Variants in ZNF559 observed in about 807,000 individuals in gnomAD.
ZNF559 encodes zinc finger protein 559, also known as putative protein product of Nbla00121.
ZNF559 carries 17 observed loss-of-function variants against 14.2 expected under a neutral mutation model. The observed-to-expected ratio is 1.20, with a 90% CI of 0.82 to 1.80. The LOEUF is 1.80. ZNF559 is among the 40% of genes most tolerant of loss of function. The pLI is 0.00. For synonymous variants in ZNF559, 244 were observed against 212.4 expected (o/e 1.15, Z -1.29); for missense variants, 740 against 629.7 (o/e 1.18, Z -1.88).
At chr19:9,324,364 C>T (rs2066445151) in intron 1 of ZNF559, 136 bp downstream of exon 1, 2 of 1,503,358 alleles carry the variant, frequency 1.3e-6, no homozygotes, top group African/African-American at 1.4e-5. Flanking sequence ...ATCTTGTGGG[C>T]TCTCCCAAGT....
At position 9,343,901 on chromosome 19, in the gene ZNF559, G is replaced by A. The variant is rs1407173809; in HGVS notation, c.*833G>A. 1.8e-5 allele frequency: 14 copies of A among 771,644 alleles called. No individual in the cohort carries two copies. Among genetic ancestry groups the A allele is most frequent in the Non-Finnish European group, 2.2e-5 (14 of 635,368 alleles). 47.8% of individuals were successfully genotyped at this position (771,644 alleles called of 1,614,324 possible). A position where few individuals can be genotyped will look rare whatever the true frequency, so the allele number is the denominator to read the frequency against. On this transcript the variant is annotated 3_prime_UTR_variant, in exon 7 of 7. Transcript: ENST00000603380. ...ACAGATGGAACTCTTTATTATTGAG[G>A]AGTTCCACTCTTTCCCCCATTTGTC...
chr19:9,330,009 A>T (rs1007772607), intron 2 of ZNF559: 4 of 152,158 alleles, frequency 2.6e-5, no homozygotes, highest in Non-Finnish European at 4.4e-5. Context: ...TCATTGGGGA[A>T]TTTAATCCAT....
chr19:9,339,495 A>G (rs1008134025), intron 5 of ZNF559, among the ~76,000 whole-genome samples, 176 bp downstream of exon 5: 2 of 152,136 alleles, frequency 1.3e-5, no homozygotes, highest in Non-Finnish European at 2.9e-5. Flanking sequence ...AGATCTGTTC[A>G]TTGTTCTAGC....
At chr19:9,332,779 T>A (rs1260019534) in intron 2 of ZNF559, among the ~76,000 whole-genome samples, 1 of 152,178 alleles carries the variant, frequency 6.6e-6, no homozygotes. Context: ...TCATCCAAGA[T>A]TGAGAAAAAT....
chr19:9,343,275 A>G lies in ZNF559; in HGVS notation c.*207A>G. 1 of 1,378,810 alleles carries G rather than the reference A, an allele frequency of 7.3e-7. No homozygotes were observed. Among genetic ancestry groups the G allele is most frequent in the Non-Finnish European group, 9.4e-7 (1 of 1,066,914 alleles). 85.4% of individuals were successfully genotyped at this position (1,378,810 alleles called of 1,614,324 possible). On this transcript the variant is annotated 3_prime_UTR_variant, in exon 7 of 7. Coordinates refer to ENST00000603380, the MANE Select transcript of ZNF559 (RefSeq NM_032497.3). ...AATCTTGGCTCCTTCCATAGGCCTTACTATTCATGTGTCTGTGCATCCTAG... is the reference window on the plus strand; with the variant it reads ...AATCTTGGCTCCTTCCATAGGCCTTGCTATTCATGTGTCTGTGCATCCTAG...
Position 9,338,531 on chromosome 19 carries a change from A to C in ZNF559, c.-19A>C. ...AAGATGTTTTCTGTCTTCATGAGTC[A>C]AAATTTGAAGAGGAAAGGATGGTGG... On this transcript the variant is annotated 5_prime_UTR_variant, in exon 4 of 7. Transcript: ENST00000603380. The C allele has an allele frequency of 6.2e-7, 1 of 1,614,018 alleles. No homozygotes were observed. The highest frequency in any genetic ancestry group is 8.5e-7 in the Non-Finnish European group (1 of 1,179,920).
At chr19:9,331,784 C>T (rs934958247) in intron 2 of ZNF559, among the ~76,000 whole-genome samples, 2 of 152,122 alleles carry the variant, frequency 1.3e-5, no homozygotes, top group Non-Finnish European at 2.9e-5. Context: ...TATGTGTTTC[C>T]ATGAGTGAAC....
intron 2 of ZNF559, among the ~76,000 whole-genome samples, chr19:9,332,369 A>ATATATC (rs1568360866): frequency 2.6e-5 from 4 of 152,082 alleles, no homozygotes; most frequent in South Asian, 2.1e-4. Context: ...ATATATATAT[A>ATATATC]TCACTGTATT....
intron 3 of ZNF559, 37 bp from the exon 4 acceptor site, chr19:9,338,457 C>T: frequency 6.6e-7 from 1 of 1,521,872 alleles, no homozygotes; most frequent in Non-Finnish European, 9.1e-7. Context: ...AAGCTATCAG[C>T]AGCCTGGATT....
intron 2 of ZNF559, among the ~76,000 whole-genome samples, chr19:9,337,478 C>T (rs748922775): frequency 1.7e-4 from 26 of 152,138 alleles, no homozygotes; most frequent in Admixed American, 1.5e-3. Flanking sequence ...TTAACCTTTC[C>T]GTACATCATT....
At chr19:9,339,774 T>C (rs2067445892) in intron 5 of ZNF559, among the ~76,000 whole-genome samples, 1 of 32,082 alleles carries the variant, frequency 3.1e-5, no homozygotes, top group Non-Finnish European at 8.0e-5. Context: ...TTACTTTTTT[T>C]TTTTTTTTTT....
chr19:9,343,260 C>T lies in ZNF559; in HGVS notation c.*192C>T. Reference sequence around the variant, plus strand: ...TAAGGAATGTGGGAAAATCTTGGCTCCTTCCATAGGCCTTACTATTCATGT... The same window carrying T: ...TAAGGAATGTGGGAAAATCTTGGCTTCTTCCATAGGCCTTACTATTCATGT... On this transcript the variant is annotated 3_prime_UTR_variant, in exon 7 of 7. Coordinates refer to ENST00000603380, the MANE Select transcript of ZNF559 (RefSeq NM_032497.3). The T allele has an allele frequency of 7.1e-7, 1 of 1,404,914 alleles. No homozygotes were observed. Among genetic ancestry groups the T allele is most frequent in the Non-Finnish European group, 9.2e-7 (1 of 1,081,792 alleles). 87.0% of individuals were successfully genotyped at this position (1,404,914 alleles called of 1,614,324 possible).
chr19:9,325,088 A>C (rs2066505774), intron 2 of ZNF559, among the ~76,000 whole-genome samples: 1 of 152,172 alleles, frequency 6.6e-6, no homozygotes, highest in Admixed American at 6.5e-5. Context: ...GGAGGGATTG[A>C]ATTGATAATG....
chr19:9,324,874 C>T (rs1021661141), intron 2 of ZNF559, 94 bp downstream of exon 2: 12 of 1,046,044 alleles, frequency 1.1e-5, no homozygotes, highest in African/African-American at 4.8e-5. Flanking sequence ...GGTGGTTGTT[C>T]GAGAGCACAT....
intron 2 of ZNF559, among the ~76,000 whole-genome samples, chr19:9,336,466 C>G (rs1455327565): frequency 6.6e-6 from 1 of 151,908 alleles, no homozygotes. Context: ...TGGTGCATGC[C>G]TGTAATCCCA....
intron 2 of ZNF559, among the ~76,000 whole-genome samples, chr19:9,326,105 ATTTTTTTTTTTTTTTTT>A (rs71183701): frequency 1.4e-5 from 1 of 73,696 alleles, no homozygotes; most frequent in Non-Finnish European, 2.5e-5. Context: ...TATTCACCTG[ATTTTTTTTTTTTTTTTT>A]TTTTTTTTTG....
At position 9,337,990 on chromosome 19, in the gene ZNF559, A is replaced by T. The variant is rs1425725562; in HGVS notation, c.-57+132A>T. ...CACATTTCACTGTTAGACTCACAGG[A>T]TGCTGGCCATTGGTCTTTCCCTTTG... On this transcript the variant is annotated intron_variant, in intron 3 of 6. Transcript: ENST00000603380. 10 of 1,536,104 alleles carry T rather than the reference A, an allele frequency of 6.5e-6. No homozygotes were observed. In the Middle Eastern group the frequency reaches 1.5e-3, roughly 231 times the overall value.
intron 2 of ZNF559, among the ~76,000 whole-genome samples, chr19:9,328,371 T>C (rs1233214266): frequency 2.7e-5 from 4 of 148,860 alleles, no homozygotes; most frequent in African/African-American, 9.9e-5. Flanking sequence ...TTTTTTTTTT[T>C]TGAGACGGAG....
At position 9,341,855 on chromosome 19, in the gene ZNF559, C is replaced by CT; in HGVS notation, c.407dup (p.Leu136PhefsTer6). 1 of 1,610,148 alleles carries CT rather than the reference C, an allele frequency of 6.2e-7. No individual in the cohort carries two copies. ...GCCTTCAGAAAACCCTCTATCTTTA[C>CT]TTTACACAAGAAAACTGATATCGGA... On this transcript the variant is annotated frameshift_variant, in exon 7 of 7. Transcript: ENST00000603380. LOFTEE classifies it low-confidence loss of function (END_TRUNC).
Sources: gnomAD v4.1 joint callset for allele counts (sites outside exome capture counted in the v4.1 genomes callset) on GRCh38, gnomAD v4.1.1 for gene constraint, MANE v1.5 for transcripts, NCBI Gene and HGNC (gene_info 2026-07-23, HGNC 2026-07-21) for gene names.